ENTHD1: variants seen among roughly 807,000 people sequenced by gnomAD.
ENTHD1 encodes the protein ENTH domain containing 1, also known as ENTH domain-containing protein 1.
A neutral mutation model predicts 39.1 loss-of-function variants in ENTHD1; 23 were observed. The ratio of observed to expected loss-of-function variants is 0.59; its 90% CI spans 0.42 to 0.83. The LOEUF (loss-of-function observed/expected upper bound fraction) is 0.83, where lower values mean the gene tolerates loss of function less well. Ranked by LOEUF, ENTHD1 falls within the 40% of genes least tolerant of loss-of-function variation. The pLI is 0.00. For synonymous variants in ENTHD1, 230 were observed against 258.2 expected (o/e 0.89, Z 1.05); for missense variants, 624 against 705.4 (o/e 0.88, Z 1.31).
chr22:39,765,182 G>GTA, intron 6 of ENTHD1, 41 bp downstream of exon 6: 7 of 1,363,264 alleles, frequency 5.1e-6, no homozygotes, highest in Non-Finnish European at 7.0e-6. Flanking sequence ...TTTGTTGTGT[G>GTA]TGTGTGTGTG....
Position 39,743,902 on chromosome 22 carries a change from GACTGAAAACCAGA to G in ENTHD1, c.1588_1600del (p.Ser530GlnfsTer19). ...AGGTTCCTGGGGGAAGTCTTTGGTT[GACTGAAAACCAGA>G]ACAGGACAGAGGGATGAACTGGTCT... On this transcript the variant is annotated frameshift_variant, in exon 7 of 7. Coordinates refer to ENST00000325157, the MANE Select transcript of ENTHD1 (RefSeq NM_152512.4). LOFTEE classifies it low-confidence loss of function (END_TRUNC). 1 of 1,614,106 alleles carries G rather than the reference GACTGAAAACCAGA, an allele frequency of 6.2e-7. No individual in the cohort carries two copies. Among genetic ancestry groups the G allele is most frequent in the Non-Finnish European group, 8.5e-7 (1 of 1,179,998 alleles).
chr22:39,821,068 C>G lies in ENTHD1; in HGVS notation c.757G>C (p.Ala253Pro). 6.2e-7 allele frequency: 1 copy of G among 1,614,048 alleles called. No individual in the cohort carries two copies. The highest frequency in any genetic ancestry group is 8.5e-7 in the Non-Finnish European group (1 of 1,179,966). ...GGAGAGACAATGGAAGGAGGTGTTG[C>G]TAGTAAAGGCAGCTCTGGATCATCA... ...LDDDPELPLLATPPSIVSPIT... is the reference protein window; with the variant it reads ...LDDDPELPLLPTPPSIVSPIT... Residue 253 changes from alanine (A) to proline (P), a missense_variant, in exon 5 of 7, where the codon GCA (alanine) becomes CCA (proline). Physicochemically the swap from Ala to Pro is conservative, Grantham distance 27. Coordinates refer to ENST00000325157, the MANE Select transcript of ENTHD1 (RefSeq NM_152512.4).
intron 4 of ENTHD1, among the ~76,000 whole-genome samples, chr22:39,834,762 A>G (rs892079706): frequency 1.3e-5 from 2 of 152,226 alleles, no homozygotes; most frequent in Non-Finnish European, 2.9e-5. Flanking sequence ...AAAATCTGGT[A>G]TATCCTGACA....
intron 6 of ENTHD1, among the ~76,000 whole-genome samples, chr22:39,752,781 A>G (rs1439930729): frequency 6.6e-6 from 1 of 152,204 alleles, no homozygotes; most frequent in African/African-American, 2.4e-5. Flanking sequence ...GATGTATACT[A>G]CAAGAGTTGC....
At chr22:39,888,661 T>C (rs930647105) in intron 1 of ENTHD1, among the ~76,000 whole-genome samples, 1 of 152,004 alleles carries the variant, frequency 6.6e-6, no homozygotes, top group African/African-American at 2.4e-5. Context: ...CTCCTGACCT[T>C]GTGATCCTTC....
chr22:39,783,310 T>C (rs1305879922), intron 5 of ENTHD1, among the ~76,000 whole-genome samples: 1 of 151,568 alleles, frequency 6.6e-6, no homozygotes, highest in Non-Finnish European at 1.5e-5. Flanking sequence ...TTTTCAATGC[T>C]CAATGACGAT....
intron 3 of ENTHD1, among the ~76,000 whole-genome samples, chr22:39,857,439 G>T: frequency 2.5e-5 from 2 of 80,084 alleles, no homozygotes; most frequent in Non-Finnish European, 4.4e-5. Context: ...GTGAAACTCC[G>T]TCTCAAAAAA....
chr22:39,882,564 C>T (rs1366360103), intron 2 of ENTHD1, among the ~76,000 whole-genome samples: 1 of 152,142 alleles, frequency 6.6e-6, no homozygotes, highest in Non-Finnish European at 1.5e-5. Flanking sequence ...ATCCTGAGAG[C>T]CAGTGGTTTG....
At chr22:39,883,692 G>T (rs2066357766) in intron 2 of ENTHD1, among the ~76,000 whole-genome samples, 1 of 151,774 alleles carries the variant, frequency 6.6e-6, no homozygotes, top group Non-Finnish European at 1.5e-5. Flanking sequence ...CACCAGCCAT[G>T]AACAATCTGA....
intron 2 of ENTHD1, among the ~76,000 whole-genome samples, chr22:39,872,937 T>G (rs1386202477): frequency 6.6e-6 from 1 of 151,818 alleles, no homozygotes; most frequent in African/African-American, 2.4e-5. Flanking sequence ...TCAAGCTATC[T>G]TTCCACCTCA....
intron 4 of ENTHD1, among the ~76,000 whole-genome samples, chr22:39,826,416 T>C (rs1161839730): frequency 1.3e-5 from 2 of 152,176 alleles, no homozygotes; most frequent in African/African-American, 2.4e-5. Context: ...GTTGTTTTCC[T>C]GTTTTCAATT....
At chr22:39,869,831 T>C (rs1370864802) in intron 2 of ENTHD1, among the ~76,000 whole-genome samples, 2 of 151,508 alleles carry the variant, frequency 1.3e-5, no homozygotes, top group African/African-American at 2.4e-5. Flanking sequence ...CAAAGGCAGA[T>C]ATGAAACAGG....
rs577106460 is a variant in ENTHD1 at position 39,844,206 on chromosome 22, G to C, written c.593-8248C>G. ...AGGCATTTTTAAGGTGAAAAGAGAA[G>C]AATAAGAAAGCAGAGATGTTTAAGT... On this transcript the variant is annotated intron_variant, in intron 3 of 6. Coordinates refer to ENST00000325157, the MANE Select transcript of ENTHD1 (RefSeq NM_152512.4). Among the ~76,000 whole-genome samples the C allele has an allele frequency of 3.3e-5, 5 of 152,144 alleles. No homozygotes were observed. The South Asian group carries it at 1.0e-3, about 32-fold the overall frequency.
At chr22:39,807,789 A>C (rs2065654774) in intron 5 of ENTHD1, among the ~76,000 whole-genome samples, 3 of 152,136 alleles carry the variant, frequency 2.0e-5, no homozygotes, top group African/African-American at 7.2e-5. Context: ...AAAAAGTAAA[A>C]TGACTAAGAT....
chr22:39,807,706 T>C (rs2065654104), intron 5 of ENTHD1, among the ~76,000 whole-genome samples: 1 of 152,196 alleles, frequency 6.6e-6, no homozygotes, highest in Non-Finnish European at 1.5e-5. Context: ...CAGTGAACTG[T>C]TTTTCAAAAT....
At chr22:39,858,314 G>A (rs1006669282) in intron 3 of ENTHD1, among the ~76,000 whole-genome samples, 2 of 152,202 alleles carry the variant, frequency 1.3e-5, no homozygotes, top group Non-Finnish European at 2.9e-5. Flanking sequence ...CAGCAATCCA[G>A]TCACATCTTC....
intron 5 of ENTHD1, among the ~76,000 whole-genome samples, chr22:39,797,777 T>C (rs2065562878): frequency 2.0e-5 from 3 of 152,186 alleles, no homozygotes; most frequent in South Asian, 4.1e-4. Flanking sequence ...TCTCTGCTTG[T>C]CTGTAAAGTT....
intron 3 of ENTHD1, among the ~76,000 whole-genome samples, chr22:39,853,517 T>C (rs1454280531): frequency 1.3e-5 from 2 of 151,972 alleles, no homozygotes; most frequent in Non-Finnish European, 2.9e-5. Context: ...GGCGACAGAG[T>C]GAGACTCTGT....
chr22:39,862,216 A>G (rs2066147645), intron 2 of ENTHD1, among the ~76,000 whole-genome samples: 1 of 152,198 alleles, frequency 6.6e-6, no homozygotes, highest in African/African-American at 2.4e-5. Flanking sequence ...TACTGGCATT[A>G]CATTTTTCAC....
Sources: allele counts gnomAD v4.1 joint callset (sites outside exome capture counted in the v4.1 genomes callset), GRCh38; gene constraint gnomAD v4.1.1; transcripts MANE v1.5; gene names NCBI Gene and HGNC (gene_info 2026-07-23, HGNC 2026-07-21).